PLXDC2: variants seen among roughly 807,000 people sequenced by gnomAD.
PLXDC2 encodes plexin domain-containing protein 2.
PLXDC2 carries 40 observed loss-of-function variants against 68.9 expected under a neutral mutation model. The ratio of observed to expected loss-of-function variants is 0.58; its 90% confidence interval spans 0.45 to 0.76. The LOEUF is 0.76. Ranked by LOEUF, PLXDC2 falls within the 30% of genes least tolerant of loss-of-function variation. The pLI, the probability that PLXDC2 is intolerant of heterozygous loss-of-function variation, is 0.00. For synonymous variants in PLXDC2, 243 were observed against 234.2 expected, an observed-to-expected ratio of 1.04 and a Z score of -0.34; for missense variants, 644 against 661.9, an observed-to-expected ratio of 0.97 and a Z score of 0.30.
intron 9 of PLXDC2, 128 bp from the exon 10 acceptor site, chr10:20,211,541 A>C: frequency 6.9e-6 from 5 of 728,734 alleles, no homozygotes; most frequent in East Asian, 2.7e-5. Flanking sequence ...GTTCTATAGA[A>C]GAGTTAATGT....
At chr10:20,049,751 A>T (rs1272158738) in intron 3 of PLXDC2, among the ~76,000 whole-genome samples, 1 of 152,166 alleles carries the variant, frequency 6.6e-6, no homozygotes. Flanking sequence ...GCTCATGGAT[A>T]GGAAGAATCA....
chr10:20,236,229 G>A (rs1422614328), intron 12 of PLXDC2, among the ~76,000 whole-genome samples: 1 of 151,904 alleles, frequency 6.6e-6, no homozygotes, highest in African/African-American at 2.4e-5. Context: ...ATCACCTAAG[G>A]TCAAGAGTTC....
chr10:19,985,659 G>A (rs753352137), intron 1 of PLXDC2, among the ~76,000 whole-genome samples: 12 of 152,176 alleles, frequency 7.9e-5, no homozygotes, highest in Non-Finnish European at 1.5e-4. Flanking sequence ...CTGACTTTAT[G>A]TGTGATAGCC....
At chr10:20,060,600 A>G (rs775073729) in intron 3 of PLXDC2, among the ~76,000 whole-genome samples, 3 of 151,678 alleles carry the variant, frequency 2.0e-5, no homozygotes, top group Non-Finnish European at 4.4e-5. Flanking sequence ...GGCTCAGCCC[A>G]GCTTGCTGCT....
At chr10:20,242,003 G>C (rs986563908) in intron 12 of PLXDC2, among the ~76,000 whole-genome samples, 6 of 152,074 alleles carry the variant, frequency 3.9e-5, no homozygotes, top group South Asian at 2.1e-4. Context: ...AAGAAAGAGA[G>C]GGATGGAGGG....
At chr10:20,230,436 G>A (rs934084772) in intron 12 of PLXDC2, among the ~76,000 whole-genome samples, 16 of 152,042 alleles carry the variant, frequency 1.1e-4, no homozygotes, top group African/African-American at 3.1e-4. Context: ...CTGCGGGGCC[G>A]AGGAGGGCAG....
intron 5 of PLXDC2, among the ~76,000 whole-genome samples, chr10:20,145,560 T>G (rs1233722550): frequency 2.0e-5 from 3 of 152,110 alleles, no homozygotes; most frequent in African/African-American, 7.2e-5. Flanking sequence ...TTTTGTTTTT[T>G]GTGTTTTGAG....
At chr10:20,175,297 G>A (rs1005943619) in intron 7 of PLXDC2, among the ~76,000 whole-genome samples, 7 of 152,136 alleles carry the variant, frequency 4.6e-5, no homozygotes, top group Admixed American at 3.3e-4. Context: ...AGGAAACTGA[G>A]GCACAGAAAA....
At chr10:20,211,911 T>C (rs1416120254) in intron 10 of PLXDC2, among the ~76,000 whole-genome samples, 182 bp downstream of exon 10, 1 of 152,112 alleles carries the variant, frequency 6.6e-6, no homozygotes, top group Non-Finnish European at 1.5e-5. Context: ...TTTTGTTAAA[T>C]TAGATAACAT....
chr10:20,283,975 T>C lies in PLXDC2; in HGVS notation c.*4156T>C, dbSNP rs1273655521. The stretch of plus-strand genomic sequence containing the variant: ...CAGTTTTTCGCAACAGATTCTTATG[T>C]TACATCTTCATGAGGGAGTATAAAT... On this transcript the variant is annotated 3_prime_UTR_variant, in exon 14 of 14. Coordinates refer to ENST00000377252, the MANE Select transcript of PLXDC2 (RefSeq NM_032812.9). The C allele has an allele frequency of 3.3e-5, 5 of 152,194 alleles. No individual in the cohort carries two copies. The highest frequency in any genetic ancestry group is 7.3e-5 in the Non-Finnish European group (5 of 68,032). 9.4% of individuals were successfully genotyped at this position (152,194 alleles called of 1,614,324 possible). A position where few individuals can be genotyped will look rare whatever the true frequency, so the allele number is the denominator to read the frequency against.
chr10:20,044,111 CCTTCCTTCCTT>C (rs1835733613), intron 2 of PLXDC2, among the ~76,000 whole-genome samples: 1 of 132,760 alleles, frequency 7.5e-6, no homozygotes, highest in African/African-American at 2.9e-5. Context: ...TTCCTTCCTT[CCTTCCTTCCTT>C]CCTCCCTCCC....
intron 1 of PLXDC2, among the ~76,000 whole-genome samples, chr10:19,818,938 A>G (rs1179502865): frequency 6.7e-6 from 1 of 150,022 alleles, no homozygotes; most frequent in Non-Finnish European, 1.5e-5. Flanking sequence ...TAAATAATGC[A>G]TTTGCAGTAA....
intron 7 of PLXDC2, among the ~76,000 whole-genome samples, 186 bp downstream of exon 7, chr10:20,164,753 C>G (rs1449554461): frequency 2.0e-5 from 3 of 152,120 alleles, no homozygotes; most frequent in African/African-American, 7.2e-5. Flanking sequence ...CTTGAGCTAA[C>G]TCAGGTAAAG....
At chr10:19,900,134 C>T (rs1318599290) in intron 1 of PLXDC2, among the ~76,000 whole-genome samples, 1 of 152,114 alleles carries the variant, frequency 6.6e-6, no homozygotes, top group Non-Finnish European at 1.5e-5. Flanking sequence ...ATTTCATGTG[C>T]CTACTTAATT....
At chr10:20,138,983 A>G (rs530062285) in intron 4 of PLXDC2, among the ~76,000 whole-genome samples, 12 of 152,322 alleles carry the variant, frequency 7.9e-5, no homozygotes, top group African/African-American at 2.9e-4. Context: ...TAATTTCACC[A>G]TTATCAGAAT....
intron 2 of PLXDC2, among the ~76,000 whole-genome samples, chr10:20,005,702 A>G (rs1338852661): frequency 2.6e-5 from 4 of 152,068 alleles, no homozygotes; most frequent in Admixed American, 2.6e-4. Flanking sequence ...ACATTTTCAA[A>G]CAACCAGATC....
intron 4 of PLXDC2, among the ~76,000 whole-genome samples, chr10:20,090,883 T>C (rs7101197): frequency 0.58 from 87,638 of 152,002 alleles, 26,504 homozygotes; most frequent in East Asian, 1. Flanking sequence ...ATCATGAATG[T>C]GCTATCCCAT....
intron 13 of PLXDC2, among the ~76,000 whole-genome samples, chr10:20,262,663 G>A (rs565720083): frequency 1.2e-4 from 19 of 152,162 alleles, no homozygotes; most frequent in Non-Finnish European, 2.5e-4. Flanking sequence ...CCTCCCCCCG[G>A]GTGGGACCTC....
At chr10:20,238,320 T>G (rs1835461035) in intron 12 of PLXDC2, among the ~76,000 whole-genome samples, 1 of 151,646 alleles carries the variant, frequency 6.6e-6, no homozygotes, top group South Asian at 2.1e-4. Flanking sequence ...AGGTCTTGAA[T>G]ATTTTCTAGT....
Sources: allele counts gnomAD v4.1 joint callset (sites outside exome capture counted in the v4.1 genomes callset), GRCh38; gene constraint gnomAD v4.1.1; transcripts MANE v1.5; gene names NCBI Gene and HGNC (gene_info 2026-07-23, HGNC 2026-07-21).